The following DMGDH variants were observed in gnomAD, a reference collection of about 807,000 sequenced individuals.
DMGDH encodes the protein dimethylglycine dehydrogenase.
DMGDH carries 76 observed loss-of-function variants against 95.2 expected under a neutral mutation model. The ratio of observed to expected loss-of-function variants is 0.80; its 90% CI spans 0.66 to 0.97. The LOEUF (loss-of-function observed/expected upper bound fraction) is 0.97, where lower values mean the gene tolerates loss of function less well. DMGDH is among the 50% of genes least tolerant of loss of function. DMGDH has a pLI of 0.00. For missense variants in DMGDH, 987 were observed against 1,055.0 expected (o/e 0.94, Z 0.89); for synonymous variants, 345 against 377.6 (o/e 0.91, Z 1.00).
At chr5:79,028,174 G>A (rs1754052354) in intron 12 of DMGDH, among the ~76,000 whole-genome samples, 1 of 151,924 alleles carries the variant, frequency 6.6e-6, no homozygotes, top group African/African-American at 2.4e-5. Flanking sequence ...CCAGATGGTA[G>A]GCAGCGATGG....
chr5:79,036,585 G>A (rs1269718489), intron 7 of DMGDH, among the ~76,000 whole-genome samples: 1 of 152,180 alleles, frequency 6.6e-6, no homozygotes, highest in African/African-American at 2.4e-5. Context: ...AATGTCCAAA[G>A]TAAAATAGCT....
rs941389029 is a variant in DMGDH, at chr5:79,069,666, G to T, written c.-46C>A. 1.5e-6 allele frequency: 2 copies of T among 1,297,306 alleles called. No individual in the cohort carries two copies. The highest frequency in any genetic ancestry group is 5.1e-5 in the South Asian group (2 of 39,446). The allele number at this position is 1,297,306 out of a possible 1,614,324, so 80.4% of individuals were successfully genotyped here. ...CGCAGGCGCCTGCTCCGAGGCCAGC[G>T]GGCAGCCTGAGGCCGCGGGGCCGGC... On this transcript the variant is annotated 5_prime_UTR_variant, in exon 1 of 16. Coordinates refer to ENST00000255189, the MANE Select transcript of DMGDH (RefSeq NM_013391.3).
At chr5:79,003,100 T>A (rs538082266) in intron 15 of DMGDH, among the ~76,000 whole-genome samples, 1 of 152,232 alleles carries the variant, frequency 6.6e-6, no homozygotes, top group Non-Finnish European at 1.5e-5. Context: ...CAGAATAATA[T>A]AGCATAATAT....
At position 79,067,034 on chromosome 5, in the gene DMGDH, G is replaced by A. The variant is rs556103725; in HGVS notation, c.101+2486C>T. On this transcript the variant is annotated intron_variant, in intron 1 of 15. Transcript: ENST00000255189. ...GTTTGTTGGTTGTTTATATTAACAT[G>A]AATTTATGGATATTTATTGTTTTCA... 5.9e-4 allele frequency among the ~76,000 whole-genome samples: 90 copies of A among 152,238 alleles called. 2 individuals are homozygous for A. The highest frequency in any genetic ancestry group is 1.1e-3 in the Non-Finnish European group (76 of 68,014).
At chr5:79,037,628 G>C (rs1662027623) in intron 7 of DMGDH, among the ~76,000 whole-genome samples, 1 of 152,100 alleles carries the variant, frequency 6.6e-6, no homozygotes, top group Non-Finnish European at 1.5e-5. Context: ...ATCAGGGGAG[G>C]AGTCTGACAT....
chr5:79,040,529 T>A (rs1754481241), intron 7 of DMGDH, among the ~76,000 whole-genome samples: 1 of 152,180 alleles, frequency 6.6e-6, no homozygotes, highest in African/African-American at 2.4e-5. Context: ...TAGGTTTAAA[T>A]CTTCACGAAC....
chr5:79,044,224 A>G, intron 6 of DMGDH, 80 bp downstream of exon 6: 1 of 1,599,948 alleles, frequency 6.3e-7, no homozygotes, highest in Admixed American at 1.7e-5. Flanking sequence ...TTGTTGTCTT[A>G]TTCTACAGCC....
intron 14 of DMGDH, among the ~76,000 whole-genome samples, chr5:79,018,590 T>A (rs1753792362): frequency 6.6e-6 from 1 of 152,178 alleles, no homozygotes. Context: ...TTTACTATCT[T>A]CACTGCGGTG....
intron 9 of DMGDH, among the ~76,000 whole-genome samples, chr5:79,031,898 T>C (rs941817141): frequency 2.0e-5 from 3 of 152,220 alleles, no homozygotes; most frequent in African/African-American, 7.2e-5. Context: ...CCAAATAATC[T>C]AGATTGGCTG....
Position 79,069,500 on chromosome 5 carries a change from C to A in DMGDH, c.101+20G>T, listed in dbSNP as rs2112687337. The A allele has an allele frequency of 8.0e-7, 1 of 1,254,942 alleles. No homozygotes were observed. Among genetic ancestry groups the A allele is most frequent in the Non-Finnish European group, 1.0e-6 (1 of 998,778 alleles). The allele number at this position is 1,254,942 out of a possible 1,614,324, so 77.7% of individuals were successfully genotyped here. On this transcript the variant is annotated intron_variant, in intron 1 of 15. Transcript: ENST00000255189. Reference sequence around the variant, plus strand: ...CCGCAGCCGCCCCGTCGCCTCTGAGCAGGACGGGGCCCCACTCACCCTTCC... The same window carrying A: ...CCGCAGCCGCCCCGTCGCCTCTGAGAAGGACGGGGCCCCACTCACCCTTCC...
At chr5:79,015,214 C>T (rs77515689) in intron 14 of DMGDH, among the ~76,000 whole-genome samples, 6,694 of 152,204 alleles carry the variant, frequency 0.044, 182 homozygotes, top group Middle Eastern at 0.058. Context: ...CTCCTCTCAC[C>T]CCTTCACATG....
At chr5:79,034,493 G>C (rs931071769) in intron 7 of DMGDH, among the ~76,000 whole-genome samples, 2 of 152,086 alleles carry the variant, frequency 1.3e-5, no homozygotes, top group African/African-American at 4.8e-5. Context: ...TCTAATGAAG[G>C]CCTCTACTGT....
At chr5:79,043,593 A>G (rs988026354) in intron 6 of DMGDH, among the ~76,000 whole-genome samples, 2 of 152,200 alleles carry the variant, frequency 1.3e-5, no homozygotes, top group African/African-American at 2.4e-5. Context: ...CATTTCCTAC[A>G]TTTCTTTGTA....
chr5:79,026,843 A>G (rs1190393766), intron 12 of DMGDH, among the ~76,000 whole-genome samples: 1 of 152,162 alleles, frequency 6.6e-6, no homozygotes, highest in Non-Finnish European at 1.5e-5. Context: ...CAGAAAGACT[A>G]TAATACAGGA....
At chr5:79,051,075 C>G (rs564913422) in intron 5 of DMGDH, among the ~76,000 whole-genome samples, 5 of 152,036 alleles carry the variant, frequency 3.3e-5, no homozygotes, top group African/African-American at 1.2e-4. Flanking sequence ...AAATAAGCAA[C>G]TTTTTTTGGA....
At chr5:78,999,155 T>C (rs1188680932) in intron 15 of DMGDH, among the ~76,000 whole-genome samples, 2 of 152,222 alleles carry the variant, frequency 1.3e-5, no homozygotes, top group South Asian at 2.1e-4. Context: ...CTGGTGATCA[T>C]TCAGCTGCCT....
chr5:79,006,441 A>T (rs761292070), intron 14 of DMGDH, among the ~76,000 whole-genome samples: 3 of 152,182 alleles, frequency 2.0e-5, no homozygotes, highest in Non-Finnish European at 4.4e-5. Context: ...ACTGAGAGTG[A>T]GCGCCCTGGA....
At chr5:79,024,726 TAAGGTGGAGGGA>T (rs1753952223) in intron 13 of DMGDH, among the ~76,000 whole-genome samples, 1 of 151,926 alleles carries the variant, frequency 6.6e-6, no homozygotes, top group African/African-American at 2.4e-5. Flanking sequence ...AGAATCAGGG[TAAGGTGGAGGGA>T]AAGCAGATAG....
At chr5:79,033,053 T>C (rs1037831655) in intron 8 of DMGDH, among the ~76,000 whole-genome samples, 186 bp downstream of exon 8, 2 of 152,176 alleles carry the variant, frequency 1.3e-5, no homozygotes, top group African/African-American at 4.8e-5. Flanking sequence ...TTAAAACCAG[T>C]GAGGCATTCC....
Sources: gnomAD v4.1 joint callset for allele counts (sites outside exome capture counted in the v4.1 genomes callset) on GRCh38, gnomAD v4.1.1 for gene constraint, MANE v1.5 for transcripts, NCBI Gene and HGNC (gene_info 2026-07-23, HGNC 2026-07-21) for gene names.